The following EVI5L variants were observed in gnomAD, a reference collection of about 807,000 sequenced individuals.
The protein encoded by EVI5L is ecotropic viral integration site 5 like.
EVI5L carries 30 observed loss-of-function variants against 106.1 expected under a neutral mutation model. That is an observed-to-expected ratio of 0.28 (90% CI 0.21 to 0.38). EVI5L has a LOEUF of 0.38. Ranked by LOEUF, EVI5L falls within the 10% of genes least tolerant of loss-of-function variation. The probability of loss-of-function intolerance (pLI) is 1.00; values close to 1 mark genes in which losing one functional copy is unlikely to be tolerated. For missense variants in EVI5L, 809 were observed against 1,098.0 expected (o/e 0.74, Z 3.72); for synonymous variants, 489 against 483.3 (o/e 1.01, Z -0.15).
Position 7,863,341 on chromosome 19 carries a change from G to C in EVI5L, c.2139+61G>C. Reference sequence around the variant, plus strand: ...GTGTCGTCGGCCTGGGACGAGCCGAGCGCAGGTGCCTTGCGGAGGATGCGG... The same window carrying C: ...GTGTCGTCGGCCTGGGACGAGCCGACCGCAGGTGCCTTGCGGAGGATGCGG... On this transcript the variant is annotated intron_variant, in intron 19 of 19. Coordinates refer to ENST00000538904, the MANE Select transcript of EVI5L (RefSeq NM_001159944.3). The surrounding 1 kb of genome is among the most constrained non-coding windows in gnomAD (Gnocchi z 7.7). 1.3e-6 allele frequency: 2 copies of C among 1,546,138 alleles called. No individual in the cohort carries two copies. The highest frequency in any genetic ancestry group is 1.7e-6 in the Non-Finnish European group (2 of 1,145,106).
rs778537610 is a variant in EVI5L at position 7,847,773 on chromosome 19, G to T, written c.179G>T (p.Gly60Val). 1 of 1,613,384 alleles carries T rather than the reference G, an allele frequency of 6.2e-7. No individual in the cohort carries two copies. The highest frequency in any genetic ancestry group is 8.5e-7 in the Non-Finnish European group (1 of 1,179,804). The change falls in exon 3 of 20, where the codon GGC becomes GTC. Residue 60 changes from glycine to valine, a missense_variant. By Grantham distance (109) the Gly-to-Val change is moderately radical. This residue lies in a region of EVI5L where 357 missense variants were observed against 588.1 expected (regional missense o/e 0.61). Transcript: ENST00000538904. The stretch of plus-strand genomic sequence containing the variant: ...TCCAAGTCCATGCGCTCCATGAATG[G>T]CTCGCGGCGGAACAGTGGCTCCTCG... Reference protein sequence around the residue: ...ADSKSMRSMNGSRRNSGSSLV... With the variant: ...ADSKSMRSMNVSRRNSGSSLV...
At chr19:7,861,175 G>A (rs1239017037) in intron 14 of EVI5L, among the ~76,000 whole-genome samples, 2 of 152,114 alleles carry the variant, frequency 1.3e-5, no homozygotes, top group Non-Finnish European at 1.5e-5. Context: ...CATTCAGCAG[G>A]AGCCATTCCC....
At chr19:7,834,761 T>C (rs1978317624) in intron 1 of EVI5L, among the ~76,000 whole-genome samples, 1 of 152,120 alleles carries the variant, frequency 6.6e-6, no homozygotes, top group Non-Finnish European at 1.5e-5. Flanking sequence ...ACATGACAGG[T>C]TTAAGCTCAT....
rs1978955616 is a variant in EVI5L at position 7,846,494 on chromosome 19, A to G, written c.-47-2A>G. On this transcript the variant is annotated splice_acceptor_variant, in intron 1 of 19. Transcript: ENST00000538904. LOFTEE classifies it low-confidence loss of function (5UTR_SPLICE). Reference sequence around the variant, plus strand: ...CCGACCACGCATGTCTCTGGCCCCCAGACAGAGCTGTGAACCAACCCCGCT... The same window carrying G: ...CCGACCACGCATGTCTCTGGCCCCCGGACAGAGCTGTGAACCAACCCCGCT... 2.6e-6 allele frequency: 4 copies of G among 1,566,664 alleles called. No homozygotes were observed. The highest frequency in any genetic ancestry group is 1.2e-5 in the South Asian group (1 of 85,902).
At chr19:7,860,992 A>G (rs1477074109) in intron 14 of EVI5L, among the ~76,000 whole-genome samples, 1 of 152,114 alleles carries the variant, frequency 6.6e-6, no homozygotes, top group Non-Finnish European at 1.5e-5. Context: ...GGAGGGGGAC[A>G]GGAAGGAGAG....
chr19:7,833,057 T>C (rs939493448), intron 1 of EVI5L, among the ~76,000 whole-genome samples: 1 of 152,154 alleles, frequency 6.6e-6, no homozygotes, highest in Non-Finnish European at 1.5e-5. Context: ...CTTCCCAGGA[T>C]GACTGTGAAC....
intron 10 of EVI5L, 150 bp from the exon 11 acceptor site, chr19:7,855,865 C>T (rs1452188337): frequency 5.4e-6 from 3 of 557,248 alleles, no homozygotes; most frequent in Non-Finnish European, 8.3e-6. Flanking sequence ...TTTCTGAAAT[C>T]GCTGACCCAG....
chr19:7,837,374 G>C (rs138622750), intron 1 of EVI5L, among the ~76,000 whole-genome samples: 1 of 152,026 alleles, frequency 6.6e-6, no homozygotes, highest in Non-Finnish European at 1.5e-5. Context: ...CTATTTTGTA[G>C]AACACTTTGA....
At position 7,849,162 on chromosome 19, in the gene EVI5L, C is replaced by T. The variant is rs553215265; in HGVS notation, c.552+17C>T. 1 of 1,611,698 alleles carries T rather than the reference C, an allele frequency of 6.2e-7. No individual in the cohort carries two copies. Among genetic ancestry groups the T allele is most frequent in the African/African-American group, 1.3e-5 (1 of 75,026 alleles). On this transcript the variant is annotated intron_variant, in intron 4 of 19. Coordinates refer to ENST00000538904, the MANE Select transcript of EVI5L (RefSeq NM_001159944.3). ...GTCATGAAGGTGAGGCCCAGGGCTC[C>T]CCGCTCCCTCGGTCCCAAAGGAAGG...
chr19:7,841,914 G>A lies in EVI5L; in HGVS notation c.-47-4582G>A, dbSNP rs139857593. On this transcript the variant is annotated intron_variant, in intron 1 of 19. Coordinates refer to ENST00000538904, the MANE Select transcript of EVI5L (RefSeq NM_001159944.3). ...GGCACAGTGGGAGGGGTGCAGGGTC[G>A]CCCACAGAATCAGGACAGCAGCCCA... Among the ~76,000 whole-genome samples, 251 of 152,306 alleles carry A rather than the reference G, an allele frequency of 1.6e-3. 1 individual carries two copies. Among genetic ancestry groups the A allele is most frequent in the African/African-American group, 5.7e-3 (236 of 41,580 alleles).
rs555609 is a variant in EVI5L, at chr19:7,849,088, T to C, written c.495T>C (p.His165=). The part of the protein sequence containing the change: ...RRDIARTYPE[H]EFFKGQDSLG... ...ACATCGCCCGCACCTACCCGGAACA[T>C]GAGTTCTTCAAGGGCCAGGACAGCC... The change falls in exon 4 of 20, where the codon CAT becomes CAC. Residue 165 remains histidine (H), a synonymous_variant. Coordinates refer to ENST00000538904, the MANE Select transcript of EVI5L (RefSeq NM_001159944.3). 1,220,660 of 1,609,302 alleles carry C rather than the reference T, an allele frequency of 0.76. 464,877 individuals carry two copies. Among genetic ancestry groups the C allele is most frequent in the South Asian group, 0.84 (76,172 of 90,444 alleles).
At chr19:7,833,445 C>G (rs1013663480) in intron 1 of EVI5L, among the ~76,000 whole-genome samples, 2 of 152,270 alleles carry the variant, frequency 1.3e-5, no homozygotes, top group South Asian at 4.1e-4. Flanking sequence ...CCTTGCCATC[C>G]TGGCCTGAGG....
rs568457641 is a variant in EVI5L, at chr19:7,845,003, C to T, written c.-47-1493C>T. On this transcript the variant is annotated intron_variant, in intron 1 of 19. Coordinates refer to ENST00000538904, the MANE Select transcript of EVI5L (RefSeq NM_001159944.3). The surrounding 1 kb of genome is among the most constrained non-coding windows in gnomAD (Gnocchi z 4.0). ...TGTGGGAAGGTGCCCAGTGACCCAACGGTAGTCAGGCAGGTATAGAGTGGT... is the reference window on the plus strand; with the variant it reads ...TGTGGGAAGGTGCCCAGTGACCCAATGGTAGTCAGGCAGGTATAGAGTGGT... 2.6e-4 allele frequency among the ~76,000 whole-genome samples: 40 copies of T among 152,202 alleles called. No individual in the cohort carries two copies. The highest frequency in any genetic ancestry group is 9.6e-4 in the African/African-American group (40 of 41,538).
rs1979548279 is a variant in EVI5L at position 7,856,773 on chromosome 19, T to G, written c.1201-319T>G. On this transcript the variant is annotated intron_variant, in intron 11 of 19. Transcript: ENST00000538904. This position sits in a 1 kb window ranked among gnomAD's most constrained non-coding sequence, Gnocchi z 6.6. ...AAAGTCCCCCTGCCCCCCACAGTTT[T>G]TCCAGCCAGCAGCGGCCCGGCTGAC... Among the ~76,000 whole-genome samples the G allele has an allele frequency of 6.6e-6, 1 of 152,126 alleles. No individual in the cohort carries two copies. Among genetic ancestry groups the G allele is most frequent in the Non-Finnish European group, 1.5e-5 (1 of 68,010 alleles).
rs1200476289 is a variant in EVI5L, at chr19:7,830,239, G to C, written c.-190G>C. On this transcript the variant is annotated 5_prime_UTR_variant, in exon 1 of 20. Coordinates refer to ENST00000538904, the MANE Select transcript of EVI5L (RefSeq NM_001159944.3). ...TCCTGTCAGCGGGTGAAATGGCAGC[G>C]GCGGAGCCGGCGGCGGCCGCGGTCC... The C allele has an allele frequency of 6.6e-6, 1 of 152,236 alleles. No homozygotes were observed. The highest frequency in any genetic ancestry group is 1.5e-5 in the Non-Finnish European group (1 of 67,808). 9.4% of individuals were successfully genotyped at this position (152,236 alleles called of 1,614,324 possible).
At position 7,848,827 on chromosome 19, in the gene EVI5L, C is replaced by G. The variant is rs575647409; in HGVS notation, c.328-94C>G. The G allele has an allele frequency of 2.2e-5, 27 of 1,202,758 alleles. No individual in the cohort carries two copies. In the South Asian group the frequency reaches 3.6e-4, roughly 16 times the overall value. 74.5% of individuals were successfully genotyped at this position (1,202,758 alleles called of 1,614,324 possible). On this transcript the variant is annotated intron_variant, in intron 3 of 19. Transcript: ENST00000538904. The surrounding 1 kb of genome is among the most constrained non-coding windows in gnomAD (Gnocchi z 4.8). The stretch of plus-strand genomic sequence containing the variant: ...ATGAGTTCTGTGCCATGCTTGAGGC[C>G]TGGATGAGCCACGCCTGAGGAGCTG...
chr19:7,839,017 C>T (rs1443672222), intron 1 of EVI5L, among the ~76,000 whole-genome samples: 2 of 150,118 alleles, frequency 1.3e-5, no homozygotes, highest in Non-Finnish European at 1.5e-5. Flanking sequence ...AAAAAAAAAT[C>T]CTTGGCCAGG....
At chr19:7,843,194 T>C (rs1238502184) in intron 1 of EVI5L, among the ~76,000 whole-genome samples, 2 of 148,952 alleles carry the variant, frequency 1.3e-5, no homozygotes, top group Non-Finnish European at 3.0e-5. Flanking sequence ...CATGTGTGTG[T>C]ATAGGGGTGT....
At position 7,850,155 on chromosome 19, in the gene EVI5L, G is replaced by A. The variant is rs1979169432; in HGVS notation, c.753+33G>A. The A allele has an allele frequency of 6.3e-7, 1 of 1,586,920 alleles. No individual in the cohort carries two copies. Among genetic ancestry groups the A allele is most frequent in the Non-Finnish European group, 8.6e-7 (1 of 1,167,728 alleles). On this transcript the variant is annotated intron_variant, in intron 6 of 19. Coordinates refer to ENST00000538904, the MANE Select transcript of EVI5L (RefSeq NM_001159944.3). This position sits in a 1 kb window ranked among gnomAD's most constrained non-coding sequence, Gnocchi z 5.4. ...GGGCCGCAGGAGAGCAGGGCTGCAGGAGGGCAGGGCCACAGGTGGGCAGGG... is the reference window on the plus strand; with the variant it reads ...GGGCCGCAGGAGAGCAGGGCTGCAGAAGGGCAGGGCCACAGGTGGGCAGGG...
Sources: gnomAD v4.1 joint callset for allele counts (sites outside exome capture counted in the v4.1 genomes callset) on GRCh38, gnomAD v4.1.1 for gene constraint, gnomAD v4.1.1 regional missense constraint, Gnocchi (gnomAD v3.1) non-coding constraint, MANE v1.5 for transcripts, NCBI Gene and HGNC (gene_info 2026-07-23, HGNC 2026-07-21) for gene names.